Variants in ATP2B2 observed in about 807,000 individuals in gnomAD.
ATP2B2 encodes plasma membrane calcium-transporting ATPase 2.
A neutral mutation model predicts 120.0 loss-of-function variants in ATP2B2; 15 were observed. The ratio of observed to expected loss-of-function variants is 0.12; its 90% CI spans 0.08 to 0.19. The LOEUF (loss-of-function observed/expected upper bound fraction) is 0.19. ATP2B2 is among the 10% of genes least tolerant of loss of function. The pLI, the probability that ATP2B2 is intolerant of heterozygous loss-of-function variation, is 1.00. For missense variants in ATP2B2, 1,045 were observed against 1,719.8 expected, an observed-to-expected ratio of 0.61 and a Z score of 6.94; for synonymous variants, 694 against 700.3, an observed-to-expected ratio of 0.99 and a Z score of 0.14.
intron 1 of ATP2B2, among the ~76,000 whole-genome samples, chr3:10,645,082 C>T (rs542025968): frequency 3.9e-4 from 59 of 151,766 alleles, no homozygotes; most frequent in African/African-American, 1.2e-3. Flanking sequence ...AAAAATACTA[C>T]GTATGTCGGG....
At chr3:10,604,024 A>C (rs2125595934) in intron 2 of ATP2B2, among the ~76,000 whole-genome samples, 1 of 152,208 alleles carries the variant, frequency 6.6e-6, no homozygotes, top group African/African-American at 2.4e-5. Flanking sequence ...AACATGGTCC[A>C]AGCTAGAGTT....
rs762002006 is a variant in ATP2B2 at position 10,352,405 on chromosome 3, G to A, written c.2137-1828C>T. ...CAAGAGGAAACCCGCAGTTCTGAGC[G>A]TGGCTGTCTTGTGGCGTGAGGAACG... On this transcript the variant is annotated intron_variant, in intron 14 of 22. Transcript: ENST00000360273. Among the ~76,000 whole-genome samples, 55 of 152,352 alleles carry A rather than the reference G, an allele frequency of 3.6e-4. No homozygotes were observed. In the Middle Eastern group the frequency reaches 0.02, roughly 57 times the overall value.
intron 2 of ATP2B2, among the ~76,000 whole-genome samples, chr3:10,568,090 A>G (rs971101716): frequency 6.6e-6 from 1 of 152,174 alleles, no homozygotes; most frequent in African/African-American, 2.4e-5. Flanking sequence ...CAGCAGAGTT[A>G]AGAACAAAGA....
intron 3 of ATP2B2, among the ~76,000 whole-genome samples, chr3:10,519,981 T>C (rs763364115): frequency 6.6e-6 from 1 of 152,210 alleles, no homozygotes; most frequent in African/African-American, 2.4e-5. Flanking sequence ...CTTCACCTCC[T>C]CATACCCTTT....
chr3:10,355,881 GGC>G (rs1222966115), intron 14 of ATP2B2, among the ~76,000 whole-genome samples: 3 of 42,320 alleles, frequency 7.1e-5, no homozygotes, highest in African/African-American at 1.4e-4. Context: ...AGACCATCCT[GGC>G]TAACACGGTG....
chr3:10,539,351 T>TA (rs2067383429), intron 2 of ATP2B2, among the ~76,000 whole-genome samples: 1 of 152,182 alleles, frequency 6.6e-6, no homozygotes, highest in Non-Finnish European at 1.5e-5. Context: ...ATGACTTTCT[T>TA]CACAGAATTG....
intron 2 of ATP2B2, among the ~76,000 whole-genome samples, chr3:10,618,285 C>T (rs1467059008): frequency 2.6e-5 from 4 of 152,164 alleles, no homozygotes; most frequent in Admixed American, 2.0e-4. Context: ...ATAATCATTG[C>T]GTCTTGTTCT....
intron 2 of ATP2B2, among the ~76,000 whole-genome samples, chr3:10,440,904 G>C (rs2063642117): frequency 6.6e-6 from 1 of 152,232 alleles, no homozygotes; most frequent in East Asian, 1.9e-4. Flanking sequence ...CTGTTTCACA[G>C]GGGTGATGTG....
intron 1 of ATP2B2, among the ~76,000 whole-genome samples, chr3:10,631,459 G>C (rs1231107119): frequency 6.6e-6 from 1 of 152,236 alleles, no homozygotes; most frequent in East Asian, 1.9e-4. Context: ...AGGTCACACA[G>C]TTGGCAAGTG....
At chr3:10,365,610 T>C (rs1000754320) in intron 12 of ATP2B2, among the ~76,000 whole-genome samples, 2 of 150,498 alleles carry the variant, frequency 1.3e-5, no homozygotes, top group Admixed American at 1.3e-4. Context: ...GTGTGTGTGA[T>C]GCATGGGGTG....
intron 1 of ATP2B2, among the ~76,000 whole-genome samples, chr3:10,690,476 C>CTATCTATCTATCTATA (rs557043167): frequency 4.5e-4 from 67 of 150,452 alleles, no homozygotes; most frequent in East Asian, 1.9e-3. Flanking sequence ...ATCTATCTAT[C>CTATCTATCTATCTATA]TATATATCTC....
At chr3:10,694,824 A>G (rs2071717720) in intron 1 of ATP2B2, among the ~76,000 whole-genome samples, 1 of 152,076 alleles carries the variant, frequency 6.6e-6, no homozygotes, top group South Asian at 2.1e-4. Flanking sequence ...TTAAGTAGGG[A>G]TGTCTGCCTG....
chr3:10,510,949 G>T (rs2125436682), intron 3 of ATP2B2, among the ~76,000 whole-genome samples: 1 of 152,048 alleles, frequency 6.6e-6, no homozygotes, highest in South Asian at 2.1e-4. Context: ...CTGCAGCCTT[G>T]GGGAGCTGCC....
intron 1 of ATP2B2, among the ~76,000 whole-genome samples, chr3:10,467,690 G>A (rs1247001149): frequency 6.6e-6 from 1 of 152,288 alleles, no homozygotes; most frequent in Non-Finnish European, 1.5e-5. Flanking sequence ...GCTGTGTACC[G>A]AGCCCCAGCC....
At chr3:10,608,272 A>T (rs2069138348) in intron 2 of ATP2B2, among the ~76,000 whole-genome samples, 1 of 152,252 alleles carries the variant, frequency 6.6e-6, no homozygotes, top group African/African-American at 2.4e-5. Context: ...TAAAGTCTGC[A>T]GTGCCACTGG....
chr3:10,333,884 G>T (rs2060047105), intron 22 of ATP2B2, among the ~76,000 whole-genome samples: 1 of 152,230 alleles, frequency 6.6e-6, no homozygotes. Context: ...CTGTTCCAAA[G>T]TTGGGGTAAC....
intron 2 of ATP2B2, among the ~76,000 whole-genome samples, chr3:10,547,726 G>C (rs548478371): frequency 3.3e-5 from 5 of 152,292 alleles, no homozygotes; most frequent in African/African-American, 1.2e-4. Context: ...TTAGTCCTCA[G>C]GGAGGCTGCA....
At chr3:10,344,919 T>G (rs1461191439) in intron 18 of ATP2B2, among the ~76,000 whole-genome samples, 4 of 152,158 alleles carry the variant, frequency 2.6e-5, no homozygotes, top group Non-Finnish European at 4.4e-5. Context: ...TATCCCCACC[T>G]AGCACCTCCT....
chr3:10,678,076 G>A (rs1397177928), intron 1 of ATP2B2, among the ~76,000 whole-genome samples: 1 of 152,162 alleles, frequency 6.6e-6, no homozygotes, highest in Non-Finnish European at 1.5e-5. Flanking sequence ...TGGCTCCAAT[G>A]TCCATGCTCC....
Sources: gnomAD v4.1 joint callset for allele counts (sites outside exome capture counted in the v4.1 genomes callset) on GRCh38, gnomAD v4.1.1 for gene constraint, MANE v1.5 for transcripts, NCBI Gene and HGNC (gene_info 2026-07-23, HGNC 2026-07-21) for gene names.